ACADL: variants seen among roughly 807,000 people sequenced by gnomAD.
ACADL encodes acyl-CoA dehydrogenase long chain.
Under a neutral mutation model 56.9 loss-of-function variants are expected in ACADL, and 60 were observed. The observed-to-expected ratio is 1.05, with a 90% CI of 0.86 to 1.31. The LOEUF (loss-of-function observed/expected upper bound fraction) is 1.31, where lower values mean the gene tolerates loss of function less well. Ranked by LOEUF, ACADL falls within the 50% of genes most tolerant of loss-of-function variation. ACADL has a pLI of 0.00. For synonymous variants in ACADL, 158 were observed against 179.7 expected, an observed-to-expected ratio of 0.88 and a Z score of 0.97; for missense variants, 484 against 525.5, an observed-to-expected ratio of 0.92 and a Z score of 0.77.
At chr2:210,215,992 G>A (rs925420636) in intron 4 of ACADL, among the ~76,000 whole-genome samples, 1 of 152,100 alleles carries the variant, frequency 6.6e-6, no homozygotes, top group Non-Finnish European at 1.5e-5. Context: ...TCTTATAAAT[G>A]AAAGACTTTT....
At chr2:210,200,068 AT>A (rs1419648085) in intron 8 of ACADL, among the ~76,000 whole-genome samples, 3 of 152,086 alleles carry the variant, frequency 2.0e-5, no homozygotes, top group African/African-American at 7.2e-5. Context: ...TTTAGTAAAC[AT>A]TTTTGATGTT....
chr2:210,212,872 C>T (rs1023550102), intron 4 of ACADL, among the ~76,000 whole-genome samples: 8 of 152,304 alleles, frequency 5.3e-5, no homozygotes, highest in African/African-American at 1.7e-4. Context: ...AGGCCTGAGA[C>T]TGCTATCCTT....
intron 2 of ACADL, among the ~76,000 whole-genome samples, chr2:210,219,635 A>T (rs1042141246): frequency 1.3e-5 from 2 of 152,212 alleles, no homozygotes; most frequent in Non-Finnish European, 2.9e-5. Flanking sequence ...AATGCTATTT[A>T]AAAACCATTC....
rs369672042 is a variant in ACADL, at chr2:210,195,247, C to G, written c.1076G>C (p.Arg359Pro). 1 of 1,613,828 alleles carries G rather than the reference C, an allele frequency of 6.2e-7. No homozygotes were observed. Residue 359 changes from arginine to proline, a missense_variant, in exon 9 of 11, where the codon CGT becomes CCT. By Grantham distance (103) the Arg-to-Pro change is moderately radical. Coordinates refer to ENST00000233710, the MANE Select transcript of ACADL (RefSeq NM_001608.4). The stretch of plus-strand genomic sequence containing the variant: ...CATGCAAGCAGTGGCGGAGTCCAAA[C>G]GTTTCGCTTCATGCAGCTGGAGACA... ...DNCLQLHEAK[R>P]LDSATACMAK...
chr2:210,224,985 C>T (rs1054476210), intron 1 of ACADL: 8 of 1,396,492 alleles, frequency 5.7e-6, no homozygotes, highest in African/African-American at 1.5e-5. Context: ...CGGCTGACAC[C>T]CCTTTTTCCT....
intron 8 of ACADL, among the ~76,000 whole-genome samples, chr2:210,202,063 A>G (rs1263027174): frequency 1.3e-5 from 2 of 152,022 alleles, no homozygotes; most frequent in African/African-American, 4.8e-5. Context: ...CTGTCTTTCA[A>G]GGACTTTCTC....
chr2:210,208,509 A>G (rs1688926750), intron 5 of ACADL, among the ~76,000 whole-genome samples: 1 of 152,192 alleles, frequency 6.6e-6, no homozygotes, highest in African/African-American at 2.4e-5. Context: ...TAGGGCTGAA[A>G]TTATCCCTAA....
At position 210,192,834 on chromosome 2, in the gene ACADL, C is replaced by T. The variant is rs747193831; in HGVS notation, c.1169G>A (p.Trp390Ter). 1.2e-6 allele frequency: 2 copies of T among 1,613,810 alleles called. No homozygotes were observed. Among genetic ancestry groups the T allele is most frequent in the East Asian group, 2.2e-5 (1 of 44,802 alleles). Reference sequence around the variant, plus strand: ...AATTGGGTACTCCCACATGTATCCCCAACCTCCATGGAGCTGTACACAGTC... The same window carrying T: ...AATTGGGTACTCCCACATGTATCCCTAACCTCCATGGAGCTGTACACAGTC... ...AYDCVQLHGG[W>*]GYMWEYPIAK... is the part of the protein sequence containing the mutation. Residue 390 changes from tryptophan to a stop codon, truncating the protein, a stop_gained, in exon 10 of 11, where the codon TGG becomes TAG. Coordinates refer to ENST00000233710, the MANE Select transcript of ACADL (RefSeq NM_001608.4). LOFTEE classifies it high-confidence loss of function.
Position 210,203,445 on chromosome 2 carries a change from C to G in ACADL, c.871-1G>C. 6.2e-7 allele frequency: 1 copy of G among 1,606,900 alleles called. No individual in the cohort carries two copies. The highest frequency in any genetic ancestry group is 8.5e-7 in the Non-Finnish European group (1 of 1,174,474). On this transcript the variant is annotated splice_acceptor_variant, in intron 7 of 10. Coordinates refer to ENST00000233710, the MANE Select transcript of ACADL (RefSeq NM_001608.4). LOFTEE classifies it high-confidence loss of function. ...CCACATCAGCAATTAACAGCCTTTCCTATAACACAAAAATTAGGTCTTAAA... is the reference window on the plus strand; with the variant it reads ...CCACATCAGCAATTAACAGCCTTTCGTATAACACAAAAATTAGGTCTTAAA...
intron 8 of ACADL, among the ~76,000 whole-genome samples, chr2:210,202,352 C>T (rs1028235193): frequency 3.9e-5 from 6 of 152,198 alleles, no homozygotes; most frequent in African/African-American, 1.4e-4. Flanking sequence ...CTCAACTTCC[C>T]AAAGTGCTGA....
Position 210,210,281 on chromosome 2 carries a change from A to G in ACADL, c.537-19T>C, listed in dbSNP as rs772279876. 6.4e-7 allele frequency: 1 copy of G among 1,560,432 alleles called. No homozygotes were observed. The highest frequency in any genetic ancestry group is 1.1e-5 in the South Asian group (1 of 89,300). ...TAAGTCACTGTAATTGAAAGAAAAG[A>G]TAAAAAATTCATCAAATGATAAAAA... is the stretch of plus-strand genomic sequence containing the variant. On this transcript the variant is annotated intron_variant, in intron 4 of 10. Transcript: ENST00000233710.
chr2:210,190,790 T>A (rs920429152), intron 10 of ACADL, among the ~76,000 whole-genome samples: 1 of 152,170 alleles, frequency 6.6e-6, no homozygotes, highest in Non-Finnish European at 1.5e-5. Context: ...TATAAACTAA[T>A]GTAGTTTAGT....
At position 210,203,343 on chromosome 2, in the gene ACADL, A is replaced by C. The variant is rs1337288446; in HGVS notation, c.972T>G (p.Val324=). 1 of 1,612,390 alleles carries C rather than the reference A, an allele frequency of 6.2e-7. No individual in the cohort carries two copies. Among genetic ancestry groups the C allele is most frequent in the Non-Finnish European group, 8.5e-7 (1 of 1,178,760 alleles). Residue 324 remains valine (V), a synonymous_variant, in exon 8 of 11, where the codon GTT becomes GTG. Coordinates refer to ENST00000233710, the MANE Select transcript of ACADL (RefSeq NM_001608.4). ...GTGACAAGCTTACCTGTAGGTGAGCAACTGTTTTGCCAAAAGCTTTTCTTT... is the reference window on the plus strand; with the variant it reads ...GTGACAAGCTTACCTGTAGGTGAGCCACTGTTTTGCCAAAAGCTTTTCTTT... ...VKQRKAFGKT[V]AHLQTVQHKL... is the part of the protein sequence containing the mutation.
At chr2:210,203,567 CTT>C in intron 7 of ACADL, 123 bp from the exon 8 acceptor site, 2 of 635,398 alleles carry the variant, frequency 3.1e-6, no homozygotes, top group Non-Finnish European at 5.4e-6. Context: ...TAATTTATAT[CTT>C]AACTCCTTAT....
chr2:210,210,498 A>G (rs754132518), intron 4 of ACADL, among the ~76,000 whole-genome samples: 2 of 152,242 alleles, frequency 1.3e-5, no homozygotes, highest in Admixed American at 6.5e-5. Flanking sequence ...GCCAGGTTTT[A>G]TACAGTAGTA....
intron 10 of ACADL, among the ~76,000 whole-genome samples, chr2:210,189,692 T>C (rs1015890880): frequency 6.6e-6 from 1 of 152,108 alleles, no homozygotes; most frequent in Non-Finnish European, 1.5e-5. Context: ...ATAAGTTCAC[T>C]TTTGATAGTC....
chr2:210,224,757 G>A (rs1689238234), intron 1 of ACADL: 3 of 988,570 alleles, frequency 3.0e-6, no homozygotes, highest in South Asian at 9.4e-5. Context: ...TAAGCCGTGG[G>A]GAACGCCGGG....
Position 210,203,434 on chromosome 2 carries a change from A to C in ACADL, c.881T>G (p.Leu294Ter). ...AGCTGAAATTGCCACATCAGCAATT[A>C]ACAGCCTTTCCTATAACACAAAAAT... Reference protein sequence around the residue: ...IMKELPQERLLIADVAISASE... With the variant: ...IMKELPQERL The change falls in exon 8 of 11, where the codon TTA becomes TGA. Residue 294 changes from leucine to a stop codon, truncating the protein, a stop_gained. Coordinates refer to ENST00000233710, the MANE Select transcript of ACADL (RefSeq NM_001608.4). LOFTEE classifies it high-confidence loss of function. The C allele has an allele frequency of 6.2e-7, 1 of 1,611,960 alleles. No individual in the cohort carries two copies. The highest frequency in any genetic ancestry group is 1.1e-5 in the South Asian group (1 of 90,974).
chr2:210,204,661 C>T lies in ACADL; in HGVS notation c.790G>A (p.Glu264Lys). The T allele has an allele frequency of 1.2e-6, 2 of 1,611,458 alleles. No individual in the cohort carries two copies. The highest frequency in any genetic ancestry group is 1.7e-6 in the Non-Finnish European group (2 of 1,177,816). The change falls in exon 7 of 11, where the codon GAA (glutamate) becomes AAA (lysine). Residue 264 changes from glutamate to lysine, a missense_variant. By Grantham distance (56) the Glu-to-Lys change is moderately conservative. Coordinates refer to ENST00000233710, the MANE Select transcript of ACADL (RefSeq NM_001608.4). ...KAQDTAELFF[E>K]DIRLPASALL... Reference sequence around the variant, plus strand: ...GCACTAGCTGGCAACCGTATATCTTCAAAGAATAGTTCTGCGGTATCCTAA... The same window carrying T: ...GCACTAGCTGGCAACCGTATATCTTTAAAGAATAGTTCTGCGGTATCCTAA...
Sources: allele counts gnomAD v4.1 joint callset (sites outside exome capture counted in the v4.1 genomes callset), GRCh38; gene constraint gnomAD v4.1.1; transcripts MANE v1.5; gene names NCBI Gene and HGNC (gene_info 2026-07-23, HGNC 2026-07-21).